The following EXOC6B variants were observed in gnomAD, a reference collection of about 807,000 sequenced individuals.
EXOC6B encodes the protein exocyst complex component 6B.
A neutral mutation model predicts 113.5 loss-of-function variants in EXOC6B; 54 were observed. That is an observed-to-expected ratio of 0.48 (90% CI 0.38 to 0.60). The LOEUF (loss-of-function observed/expected upper bound fraction) is 0.60, where lower values mean the gene tolerates loss of function less well. Ranked by LOEUF, EXOC6B falls within the 20% of genes least tolerant of loss-of-function variation. The probability of loss-of-function intolerance (pLI) is 0.00; values close to 1 mark genes in which losing one functional copy is unlikely to be tolerated. For synonymous variants in EXOC6B, 357 were observed against 339.0 expected (o/e 1.05, Z -0.58); for missense variants, 797 against 977.5 (o/e 0.82, Z 2.46).
chr2:72,401,855 T>A (rs1334055209), intron 18 of EXOC6B, among the ~76,000 whole-genome samples: 1 of 149,088 alleles, frequency 6.7e-6, no homozygotes, highest in Non-Finnish European at 1.5e-5. Flanking sequence ...ACTAAAATTA[T>A]AAAAACAGCT....
At chr2:72,446,867 C>T (rs1344843030) in intron 18 of EXOC6B, among the ~76,000 whole-genome samples, 7 of 152,074 alleles carry the variant, frequency 4.6e-5, no homozygotes, top group East Asian at 1.9e-4. Flanking sequence ...TTTGGGAGGC[C>T]GAGGCAGGCA....
chr2:72,380,338 T>C (rs979271558), intron 18 of EXOC6B, among the ~76,000 whole-genome samples: 4 of 152,166 alleles, frequency 2.6e-5, no homozygotes, highest in African/African-American at 7.2e-5. Context: ...ATTTAACACA[T>C]ATAAAGTGAA....
In EXOC6B at chr2:72,389,251, T is replaced by C. The variant is rs542191618; in HGVS notation, c.1981-9381A>G. Among the ~76,000 whole-genome samples the C allele has an allele frequency of 1.1e-4, 17 of 152,126 alleles. 1 individual carries two copies. The highest frequency in any genetic ancestry group is 2.6e-4 in the Admixed American group (4 of 15,280). ...TTTTATACATTTAGTATCTGAGGCT[T>C]TGTAATAAGTCTCTTTAAATTATCA... On this transcript the variant is annotated intron_variant, in intron 18 of 21. Transcript: ENST00000272427.
At position 72,685,489 on chromosome 2, in the gene EXOC6B, G is replaced by A. The variant is rs553745481; in HGVS notation, c.669+32614C>T. Among the ~76,000 whole-genome samples the A allele has an allele frequency of 1.3e-5, 2 of 152,238 alleles. 1 individual carries two copies. Among genetic ancestry groups the A allele is most frequent in the South Asian group, 4.1e-4 (2 of 4,824 alleles). On this transcript the variant is annotated intron_variant, in intron 6 of 21. Coordinates refer to ENST00000272427, the MANE Select transcript of EXOC6B (RefSeq NM_015189.3). ...GACAGTCACTGATGCAAAGCAATCA[G>A]AGTGACTACACTTCTACTGACTGTA...
chr2:72,597,832 A>C (rs919635017), intron 6 of EXOC6B, among the ~76,000 whole-genome samples: 1 of 151,948 alleles, frequency 6.6e-6, no homozygotes, highest in African/African-American at 2.4e-5. Flanking sequence ...AAATAAAATT[A>C]TCAGGGATAT....
chr2:72,239,527 A>G (rs993872382), intron 20 of EXOC6B, among the ~76,000 whole-genome samples: 3 of 152,208 alleles, frequency 2.0e-5, no homozygotes, highest in Admixed American at 1.3e-4. Context: ...ACTCTATTCC[A>G]TTAAGCTACA....
chr2:72,258,891 A>G (rs940150075), intron 20 of EXOC6B, among the ~76,000 whole-genome samples: 1 of 152,172 alleles, frequency 6.6e-6, no homozygotes, highest in Non-Finnish European at 1.5e-5. Flanking sequence ...CACAGTGAAC[A>G]TCCATACACT....
At chr2:72,680,440 TAAG>T (rs1676617603) in intron 6 of EXOC6B, among the ~76,000 whole-genome samples, 1 of 152,118 alleles carries the variant, frequency 6.6e-6, no homozygotes, top group Non-Finnish European at 1.5e-5. Context: ...ACCTAACAGA[TAAG>T]AAGCATTTTG....
chr2:72,498,463 C>T lies in EXOC6B; in HGVS notation c.1328G>A (p.Gly443Asp), dbSNP rs375294794. ...ATAGATAATTTCTCACCTGAAAATA[C>T]CTGCCCACTTCTTTAGCAGAGTTTC... ...YSETLLKKWA[G>D]IFRNILDSDN... is the part of the protein sequence containing the mutation. The change falls in exon 13 of 22, where the codon GGT (glycine) becomes GAT (aspartate). Residue 443 changes from glycine to aspartate, a missense_variant. Physicochemically the swap from Gly to Asp is moderately conservative, Grantham distance 94. Coordinates refer to ENST00000272427, the MANE Select transcript of EXOC6B (RefSeq NM_015189.3). 1 of 1,608,656 alleles carries T rather than the reference C, an allele frequency of 6.2e-7. No individual in the cohort carries two copies. Among genetic ancestry groups the T allele is most frequent in the Non-Finnish European group, 8.5e-7 (1 of 1,177,252 alleles).
Position 72,496,463 on chromosome 2 carries a change from T to A in EXOC6B, c.1434A>T (p.Glu478Asp), listed in dbSNP as rs1186617687. 7 of 1,583,530 alleles carry A rather than the reference T, an allele frequency of 4.4e-6. No individual in the cohort carries two copies. Among genetic ancestry groups the A allele is most frequent in the Non-Finnish European group, 6.0e-6 (7 of 1,158,502 alleles). Residue 478 changes from glutamate to aspartate, a missense_variant, in exon 14 of 22, where the codon GAA becomes GAT. Coordinates refer to ENST00000272427, the MANE Select transcript of EXOC6B (RefSeq NM_015189.3). ...VVGQFPFQDI[E>D]LEKQPFPKKF... ...TTAAAGTATTCCTTACCTTTTCCAGTTCTATATCTTGAAATGGGAATTGTC... is the reference window on the plus strand; with the variant it reads ...TTAAAGTATTCCTTACCTTTTCCAGATCTATATCTTGAAATGGGAATTGTC...
At chr2:72,605,710 G>C (rs1343776919) in intron 6 of EXOC6B, among the ~76,000 whole-genome samples, 1 of 152,056 alleles carries the variant, frequency 6.6e-6, no homozygotes, top group Non-Finnish European at 1.5e-5. Context: ...ATCCATTCCA[G>C]GCAAACAACT....
intron 16 of EXOC6B, among the ~76,000 whole-genome samples, chr2:72,490,788 C>T (rs986584805): frequency 4.6e-5 from 7 of 152,088 alleles, no homozygotes; most frequent in African/African-American, 1.2e-4. Flanking sequence ...TTTCCTGAAA[C>T]CCAAGCTGAG....
intron 7 of EXOC6B, among the ~76,000 whole-genome samples, chr2:72,560,144 C>T (rs915164439): frequency 1.3e-5 from 2 of 151,154 alleles, no homozygotes; most frequent in Non-Finnish European, 3.0e-5. Flanking sequence ...TTAATTAAAC[C>T]TAGACATCAA....
At chr2:72,273,876 C>T (rs1194637545) in intron 20 of EXOC6B, among the ~76,000 whole-genome samples, 2 of 151,940 alleles carry the variant, frequency 1.3e-5, no homozygotes, top group Non-Finnish European at 2.9e-5. Context: ...GTCTACTATG[C>T]GAAAGCAGTG....
rs972318297 is a variant in EXOC6B at position 72,394,271 on chromosome 2, TTG to T, written c.1981-14403_1981-14402del. 1.1e-4 allele frequency among the ~76,000 whole-genome samples: 16 copies of T among 152,260 alleles called. 1 individual carries two copies. Among genetic ancestry groups the T allele is most frequent in the African/African-American group, 3.1e-4 (13 of 41,546 alleles). ...GTATATCTTTTATAGTCATATGATT[TTG>T]TTTTTTTATTCTAATAATTCTGTAT... On this transcript the variant is annotated intron_variant, in intron 18 of 21. Coordinates refer to ENST00000272427, the MANE Select transcript of EXOC6B (RefSeq NM_015189.3).
chr2:72,624,225 G>A (rs912090514), intron 6 of EXOC6B, among the ~76,000 whole-genome samples: 3 of 151,476 alleles, frequency 2.0e-5, no homozygotes, highest in South Asian at 2.1e-4. Flanking sequence ...CAAGTGATCC[G>A]CCCATCAACT....
intron 5 of EXOC6B, among the ~76,000 whole-genome samples, chr2:72,729,042 G>A (rs939371576): frequency 8.5e-5 from 13 of 152,052 alleles, no homozygotes; most frequent in African/African-American, 1.4e-4. Flanking sequence ...AATGCCTAGC[G>A]CATAGTAGGT....
chr2:72,256,588 A>G (rs1683367510), intron 20 of EXOC6B, among the ~76,000 whole-genome samples: 1 of 152,180 alleles, frequency 6.6e-6, no homozygotes, highest in African/African-American at 2.4e-5. Flanking sequence ...AGTAGAGGTA[A>G]TGAGTACAGG....
rs201669709 is a variant in EXOC6B, at chr2:72,731,012, A to C, written c.459T>G (p.Thr153=). The C allele has an allele frequency of 3.3e-4, 505 of 1,529,870 alleles. 1 individual carries two copies. The highest frequency in any genetic ancestry group is 3.9e-4 in the Non-Finnish European group (442 of 1,141,182). The allele number at this position is 1,529,870 out of a possible 1,614,324, so 94.8% of individuals were successfully genotyped here. A position where few individuals can be genotyped will look rare whatever the true frequency, so the allele number is the denominator to read the frequency against. Residue 153 remains threonine, a synonymous_variant, in exon 5 of 22, where the codon ACT becomes ACG. Coordinates refer to ENST00000272427, the MANE Select transcript of EXOC6B (RefSeq NM_015189.3). ...CGATTAAAAAAAAATCTTACCTTTT[A>C]GTTTTCATCTGGTCCCTCAGTTTGC... is the stretch of plus-strand genomic sequence containing the variant. ...MYSKLRDQMK[T]KRHYPALKTL... is the part of the protein sequence containing the mutation.
Sources: allele counts gnomAD v4.1 joint callset (sites outside exome capture counted in the v4.1 genomes callset), GRCh38; gene constraint gnomAD v4.1.1; transcripts MANE v1.5; gene names NCBI Gene and HGNC (gene_info 2026-07-23, HGNC 2026-07-21).